ZNF274: variants seen among roughly 807,000 people sequenced by gnomAD.
ZNF274 encodes neurotrophin receptor-interacting factor homolog.
A neutral mutation model predicts 42.5 loss-of-function variants in ZNF274; 23 were observed. The ratio of observed to expected loss-of-function variants is 0.54; its 90% CI spans 0.39 to 0.77. The LOEUF (loss-of-function observed/expected upper bound fraction) is 0.77. ZNF274 is among the 30% of genes least tolerant of loss of function. The pLI, the probability that ZNF274 is intolerant of heterozygous loss-of-function variation, is 0.00. For synonymous variants in ZNF274, 292 were observed against 305.4 expected (o/e 0.96, Z 0.46); for missense variants, 679 against 806.5 (o/e 0.84, Z 1.91).
chr19:58,190,143 A>ATC (rs1198825236), intron 4 of ZNF274, among the ~76,000 whole-genome samples: 1 of 145,848 alleles, frequency 6.9e-6, no homozygotes, highest in Non-Finnish European at 1.5e-5. Context: ...AAAAAAATTT[A>ATC]TCTCTCTCTT....
intron 4 of ZNF274, among the ~76,000 whole-genome samples, chr19:58,199,217 A>T (rs1355043472): frequency 6.6e-6 from 1 of 150,968 alleles, no homozygotes; most frequent in Non-Finnish European, 1.5e-5. Context: ...ACTACAAAAA[A>T]TAGCCAGGTG....
chr19:58,198,326 G>C (rs901955921), intron 4 of ZNF274, among the ~76,000 whole-genome samples: 1 of 152,168 alleles, frequency 6.6e-6, no homozygotes, highest in Non-Finnish European at 1.5e-5. Context: ...TACAAAGAAT[G>C]AGCAACCTCT....
Position 58,186,952 on chromosome 19 carries a change from C to G in ZNF274, c.166C>G (p.Gln56Glu). 6.2e-7 allele frequency: 1 copy of G among 1,613,452 alleles called. No homozygotes were observed. Among genetic ancestry groups the G allele is most frequent in the Non-Finnish European group, 8.5e-7 (1 of 1,179,642 alleles). ...GTCTCTTTTCCTTTGAGCAGAACAT[C>G]AGCTTTCCAAACCAGATGTGGTATC... Reference protein sequence around the residue: ...NYRNLVSVEHQLSKPDVVSQL... With the variant: ...NYRNLVSVEHELSKPDVVSQL... Residue 56 changes from glutamine (Q) to glutamate (E), a missense_variant, in exon 4 of 8, where the codon CAG (glutamine) becomes GAG (glutamate). By Grantham distance (29) the Gln-to-Glu change is conservative. Transcript: ENST00000617501.
intron 4 of ZNF274, among the ~76,000 whole-genome samples, chr19:58,197,750 C>CG (rs2075861016): frequency 6.6e-6 from 1 of 152,138 alleles, no homozygotes; most frequent in African/African-American, 2.4e-5. Context: ...AAGAACTCTG[C>CG]GGGGCCCACA....
intron 4 of ZNF274, among the ~76,000 whole-genome samples, chr19:58,204,851 C>T (rs1352632770): frequency 1.3e-5 from 2 of 152,016 alleles, no homozygotes; most frequent in African/African-American, 4.8e-5. Flanking sequence ...GACTCAGAGC[C>T]GGGTATAGTA....
chr19:58,188,614 AAAAAAAATATAT>A lies in ZNF274; in HGVS notation c.256+1574_256+1585del, dbSNP rs1435958175. Among the ~76,000 whole-genome samples the A allele has an allele frequency of 1.0e-2, 858 of 86,176 alleles. 11 individuals carry two copies. Among genetic ancestry groups the A allele is most frequent in the African/African-American group, 0.021 (305 of 14,394 alleles). The allele number at this position is 86,176 out of a possible 152,430, so 56.5% of individuals were successfully genotyped here. On this transcript the variant is annotated intron_variant, in intron 4 of 7. Transcript: ENST00000617501. ...GAGTGAGACTCCATCTCAAAAAAAA[AAAAAAAATATAT>A]ATATATATATATATATATATGTAAA...
intron 4 of ZNF274, among the ~76,000 whole-genome samples, chr19:58,200,290 A>G (rs2146223181): frequency 6.6e-6 from 1 of 152,324 alleles, no homozygotes; most frequent in South Asian, 2.1e-4. Flanking sequence ...TCAACTGCTC[A>G]TTGGCCCTGC....
chr19:58,212,796 G>T lies in ZNF274; in HGVS notation c.1615G>T (p.Asp539Tyr). The T allele has an allele frequency of 3.1e-6, 5 of 1,614,014 alleles. No homozygotes were observed. Among genetic ancestry groups the T allele is most frequent in the Non-Finnish European group, 4.2e-6 (5 of 1,179,898 alleles). ...CGGAGAGAGGCCCTATGTGTGTCAAGACTGTGGGAAAGGATTTGTTCAGAG... is the reference window on the plus strand; with the variant it reads ...CGGAGAGAGGCCCTATGTGTGTCAATACTGTGGGAAAGGATTTGTTCAGAG... ...HTGERPYVCQ[D>Y]CGKGFVQSSS... Residue 539 changes from aspartate to tyrosine, a missense_variant, in exon 8 of 8, where the codon GAC becomes TAC. This residue lies in a region of ZNF274 where 456 missense variants were observed against 590.1 expected (regional missense o/e 0.77). Coordinates refer to ENST00000617501, the MANE Select transcript of ZNF274 (RefSeq NM_133502.3). The surrounding 1 kb of genome is among the most constrained non-coding windows in gnomAD (Gnocchi z 4.6).
Position 58,213,285 on chromosome 19 carries a change from G to C in ZNF274, c.*142G>C, listed in dbSNP as rs1310455139. On this transcript the variant is annotated 3_prime_UTR_variant, in exon 8 of 8. Transcript: ENST00000617501. The stretch of plus-strand genomic sequence containing the variant: ...CCCAAAACCAAAGGACAACTGAGGA[G>C]ACTGCCCAGCACATAATGAATAAAT... 1 of 1,050,082 alleles carries C rather than the reference G, an allele frequency of 9.5e-7. No homozygotes were observed. Among genetic ancestry groups the C allele is most frequent in the African/African-American group, 1.6e-5 (1 of 62,642 alleles). 65.0% of individuals were successfully genotyped at this position (1,050,082 alleles called of 1,614,324 possible).
At chr19:58,185,646 C>T (rs1195682731) in intron 2 of ZNF274, 66 bp from the exon 3 acceptor site, 38 of 1,370,842 alleles carry the variant, frequency 2.8e-5, no homozygotes, top group South Asian at 1.9e-4. Flanking sequence ...CCTGGTCAGC[C>T]TCCCCTGTCT....
chr19:58,190,259 T>C (rs77484405), intron 4 of ZNF274, among the ~76,000 whole-genome samples: 1 of 151,230 alleles, frequency 6.6e-6, no homozygotes, highest in African/African-American at 2.4e-5. Context: ...GTGATTCTCG[T>C]GCCTCAGCCT....
chr19:58,193,317 T>A (rs2075800314), intron 4 of ZNF274, among the ~76,000 whole-genome samples: 2 of 148,804 alleles, frequency 1.3e-5, no homozygotes, highest in Non-Finnish European at 3.0e-5. Context: ...CAGCTAAATT[T>A]TTGTATTTTT....
Position 58,211,704 on chromosome 19 carries a change from C to G in ZNF274, c.979+18C>G. On this transcript the variant is annotated intron_variant, in intron 7 of 7. Transcript: ENST00000617501. This position sits in a 1 kb window ranked among gnomAD's most constrained non-coding sequence, Gnocchi z 4.8. The stretch of plus-strand genomic sequence containing the variant: ...CTCTGTGGGTAAGGCTGTGCCCCCT[C>G]TTCACCCACCTCAGGGCTGGTAGGC... 2.5e-6 allele frequency: 4 copies of G among 1,603,478 alleles called. No individual in the cohort carries two copies. The highest frequency in any genetic ancestry group is 3.4e-6 in the Non-Finnish European group (4 of 1,173,612).
At chr19:58,195,294 G>A (rs1337549007) in intron 4 of ZNF274, among the ~76,000 whole-genome samples, 1 of 151,872 alleles carries the variant, frequency 6.6e-6, no homozygotes, top group Non-Finnish European at 1.5e-5. Flanking sequence ...CACATTGATT[G>A]AAGTTTTTGA....
At chr19:58,188,621 ATATATATAT>A (rs1287672231) in intron 4 of ZNF274, among the ~76,000 whole-genome samples, 764 of 18,286 alleles carry the variant, frequency 0.042, 13 homozygotes, top group Non-Finnish European at 0.051. Flanking sequence ...AAAAAAAAAA[ATATATATAT>A]ATATATATAT....
chr19:58,212,640 A>G lies in ZNF274; in HGVS notation c.1459A>G (p.Thr487Ala). Residue 487 changes from threonine (T) to alanine (A), a missense_variant, in exon 8 of 8, where the codon ACC becomes GCC. Transcript: ENST00000617501. The surrounding 1 kb of genome is among the most constrained non-coding windows in gnomAD (Gnocchi z 4.6). ...KAKEGNGCRK[T>A]FSRSTKQITF... The stretch of plus-strand genomic sequence containing the variant: ...CAAGGAAGGCAATGGTTGTAGGAAA[A>G]CCTTCAGTCGGAGTACTAAACAGAT... 3 of 1,614,054 alleles carry G rather than the reference A, an allele frequency of 1.9e-6. No individual in the cohort carries two copies. Among genetic ancestry groups the G allele is most frequent in the Middle Eastern group, 1.6e-4 (1 of 6,062 alleles).
intron 4 of ZNF274, among the ~76,000 whole-genome samples, chr19:58,204,519 A>T (rs2075957960): frequency 1.3e-5 from 2 of 151,896 alleles, no homozygotes; most frequent in Admixed American, 1.3e-4. Context: ...TGCGTGAGAG[A>T]CCAGGGCCGA....
intron 4 of ZNF274, among the ~76,000 whole-genome samples, chr19:58,201,633 C>T (rs891101349): frequency 6.6e-6 from 1 of 151,980 alleles, no homozygotes; most frequent in Admixed American, 6.6e-5. Flanking sequence ...TCTCCTGCCT[C>T]AGCCTCCCAG....
intron 4 of ZNF274, among the ~76,000 whole-genome samples, chr19:58,206,362 A>T (rs1600154121): frequency 6.6e-6 from 1 of 152,356 alleles, no homozygotes; most frequent in African/African-American, 2.4e-5. Context: ...GCTATTATGG[A>T]TAACACTTTG....
Sources: gnomAD v4.1 joint callset for allele counts (sites outside exome capture counted in the v4.1 genomes callset) on GRCh38, gnomAD v4.1.1 for gene constraint, gnomAD v4.1.1 regional missense constraint, Gnocchi (gnomAD v3.1) non-coding constraint, MANE v1.5 for transcripts, NCBI Gene and HGNC (gene_info 2026-07-23, HGNC 2026-07-21) for gene names.